PKP4: variants seen among roughly 807,000 people sequenced by gnomAD.
The protein encoded by PKP4 is plakophilin-4.
Under a neutral mutation model 145.1 loss-of-function variants are expected in PKP4, and 90 were observed. The observed-to-expected ratio is 0.62, with a 90% CI of 0.52 to 0.74. The LOEUF (loss-of-function observed/expected upper bound fraction) is 0.74, where lower values mean the gene tolerates loss of function less well. PKP4 is among the 30% of genes least tolerant of loss of function. PKP4 has a pLI of 0.00. For synonymous variants in PKP4, 563 were observed against 577.2 expected (o/e 0.98, Z 0.35); for missense variants, 1,340 against 1,482.7 (o/e 0.90, Z 1.58).
intron 1 of PKP4, among the ~76,000 whole-genome samples, chr2:158,471,859 A>G (rs1281429081): frequency 6.6e-6 from 1 of 152,232 alleles, no homozygotes; most frequent in Non-Finnish European, 1.5e-5. Context: ...TTGAAAAATT[A>G]AACATGCCTA....
chr2:158,602,588 T>C lies in PKP4; in HGVS notation c.246-482T>C, dbSNP rs190340363. Among the ~76,000 whole-genome samples, 3 of 152,356 alleles carry C rather than the reference T, an allele frequency of 2.0e-5. No homozygotes were observed. The East Asian group carries it at 5.8e-4, about 29-fold the overall frequency. On this transcript the variant is annotated intron_variant, in intron 3 of 21. Coordinates refer to ENST00000389759, the MANE Select transcript of PKP4 (RefSeq NM_003628.6). ...TTATCCTGGCTTATAGGACCTTATA[T>C]TTTTGATATGAAGTTCTGCGTTTTA...
rs533644175 is a variant in PKP4, at chr2:158,538,636, T to C, written c.132+5320T>C. On this transcript the variant is annotated intron_variant, in intron 2 of 21. Transcript: ENST00000389759. The stretch of plus-strand genomic sequence containing the variant: ...CTCACTGCAACCTCCGCCTTCTGGG[T>C]TCAAGCAACTCTTCTGCCTCAGCCT... Among the ~76,000 whole-genome samples, 10 of 150,240 alleles carry C rather than the reference T, an allele frequency of 6.7e-5. No individual in the cohort carries two copies. In the East Asian group the frequency reaches 1.8e-3, roughly 27 times the overall value.
intron 11 of PKP4, 121 bp from the exon 12 acceptor site, chr2:158,658,010 T>G: frequency 1.5e-6 from 1 of 652,788 alleles, no homozygotes; most frequent in South Asian, 1.9e-5. Flanking sequence ...TGGTTGCAAA[T>G]ATAGGCCATA....
chr2:158,642,556 A>G lies in PKP4; in HGVS notation c.1766A>G (p.Asn589Ser). The G allele has an allele frequency of 6.2e-7, 1 of 1,613,890 alleles. No homozygotes were observed. The highest frequency in any genetic ancestry group is 1.3e-5 in the African/African-American group (1 of 75,050). The change falls in exon 11 of 22, where the codon AAT (asparagine) becomes AGT (serine). Residue 589 changes from asparagine to serine, a missense_variant. Coordinates refer to ENST00000389759, the MANE Select transcript of PKP4 (RefSeq NM_003628.6). ...LDHRVLEVQK[N>S]ACGALRNLVF... ...CACAGAGTTTTGGAAGTTCAGAAGAATGCTTGTGGTGCCCTTCGAAACCTC... is the reference window on the plus strand; with the variant it reads ...CACAGAGTTTTGGAAGTTCAGAAGAGTGCTTGTGGTGCCCTTCGAAACCTC...
chr2:158,617,160 T>C (rs1179191215), intron 4 of PKP4, among the ~76,000 whole-genome samples: 2 of 152,192 alleles, frequency 1.3e-5, no homozygotes, highest in African/African-American at 2.4e-5. Context: ...AGAAAGTCCA[T>C]GATTCCAATA....
rs1175380290 is a variant in PKP4, at chr2:158,548,738, C to G, written c.132+15422C>G. ...GCTTAAGCTGGCCCATAAGTACTGA[C>G]CAGAGACAAAGCAAGAGAAGAAGCA... On this transcript the variant is annotated intron_variant, in intron 2 of 21. Coordinates refer to ENST00000389759, the MANE Select transcript of PKP4 (RefSeq NM_003628.6). 1.0e-5 allele frequency: 3 copies of G among 298,034 alleles called. No homozygotes were observed. In the Admixed American group the frequency reaches 1.4e-4, roughly 14 times the overall value. The allele number at this position is 298,034 out of a possible 1,614,324, so 18.5% of individuals were successfully genotyped here.
rs182839504 is a variant in PKP4, at chr2:158,679,151, G to A, written c.3330+497G>A. 189 of 161,942 alleles carry A rather than the reference G, an allele frequency of 1.2e-3. 2 individuals are homozygous for A. The highest frequency in any genetic ancestry group is 2.7e-4 in the Non-Finnish European group (20 of 73,092). 10.0% of individuals were successfully genotyped at this position (161,942 alleles called of 1,614,324 possible). The stretch of plus-strand genomic sequence containing the variant: ...GGTCAAGGTGGACTCAGCCCCTGCC[G>A]GGATGGACCTCACTGTGGGAGAGTG... On this transcript the variant is annotated intron_variant, in intron 21 of 21. Coordinates refer to ENST00000389759, the MANE Select transcript of PKP4 (RefSeq NM_003628.6).
intron 1 of PKP4, among the ~76,000 whole-genome samples, chr2:158,495,429 G>C (rs1319402236): frequency 6.6e-6 from 1 of 151,366 alleles, no homozygotes; most frequent in Non-Finnish European, 1.5e-5. Context: ...GAAATAATCA[G>C]ACAAGTGGAC....
intron 4 of PKP4, among the ~76,000 whole-genome samples, chr2:158,619,128 A>G (rs541575640): frequency 9.8e-5 from 15 of 152,324 alleles, no homozygotes; most frequent in Admixed American, 9.2e-4. Flanking sequence ...ATTCCCAGCT[A>G]TTCCAATTCC....
intron 1 of PKP4, among the ~76,000 whole-genome samples, chr2:158,510,801 A>G (rs2041433616): frequency 1.3e-5 from 2 of 152,346 alleles, no homozygotes; most frequent in Admixed American, 1.3e-4. Context: ...GTTGAAAGGG[A>G]ACTGCTTTCA....
chr2:158,612,445 A>G (rs1161611841), intron 4 of PKP4, among the ~76,000 whole-genome samples: 1 of 152,204 alleles, frequency 6.6e-6, no homozygotes, highest in East Asian at 1.9e-4. Flanking sequence ...TTGACAGACA[A>G]TGAGAAGATT....
At chr2:158,481,964 T>C (rs1693423871) in intron 1 of PKP4, among the ~76,000 whole-genome samples, 1 of 152,230 alleles carries the variant, frequency 6.6e-6, no homozygotes, top group Admixed American at 6.5e-5. Flanking sequence ...TGTTGTAATG[T>C]TAGTGATATT....
chr2:158,536,749 C>T (rs768517298), intron 2 of PKP4, among the ~76,000 whole-genome samples: 1 of 152,122 alleles, frequency 6.6e-6, no homozygotes, highest in Non-Finnish European at 1.5e-5. Context: ...CATGTGGATG[C>T]GTACCTGCGA....
intron 1 of PKP4, among the ~76,000 whole-genome samples, chr2:158,487,211 A>G (rs548822745): frequency 2.0e-5 from 3 of 152,378 alleles, no homozygotes; most frequent in Admixed American, 2.0e-4. Context: ...TGCAAGTGAC[A>G]TAGTAGAGCC....
At chr2:158,535,367 A>G (rs904024572) in intron 2 of PKP4, among the ~76,000 whole-genome samples, 11 of 152,208 alleles carry the variant, frequency 7.2e-5, no homozygotes, top group African/African-American at 1.9e-4. Flanking sequence ...AATGTTGGTC[A>G]TGTTTTATAT....
rs142457146 is a variant in PKP4, at chr2:158,519,784, A to G, written c.-5-13396A>G. On this transcript the variant is annotated intron_variant, in intron 1 of 21. Coordinates refer to ENST00000389759, the MANE Select transcript of PKP4 (RefSeq NM_003628.6). ...TTCATGGAGTTGTGAGTTGGAGAAA[A>G]GTTGAAATTTATGCTCATCTTGCCT... Among the ~76,000 whole-genome samples, 900 of 152,272 alleles carry G rather than the reference A, an allele frequency of 5.9e-3. 7 individuals are homozygous for G. Among genetic ancestry groups the G allele is most frequent in the African/African-American group, 0.021 (862 of 41,564 alleles).
chr2:158,550,855 A>G (rs2045558679), intron 2 of PKP4, among the ~76,000 whole-genome samples: 1 of 152,240 alleles, frequency 6.6e-6, no homozygotes, highest in Non-Finnish European at 1.5e-5. Context: ...AAGCTTATAA[A>G]TGTCTGGGAA....
chr2:158,622,052 G>T (rs924180952), intron 6 of PKP4, among the ~76,000 whole-genome samples: 4 of 152,054 alleles, frequency 2.6e-5, no homozygotes, highest in African/African-American at 9.7e-5. Flanking sequence ...TCCCTGAGGG[G>T]TTATGAGTTC....
intron 2 of PKP4, among the ~76,000 whole-genome samples, chr2:158,562,082 A>G (rs2046579907): frequency 1.3e-5 from 2 of 152,108 alleles, no homozygotes; most frequent in African/African-American, 4.8e-5. Flanking sequence ...GAATTTTGTG[A>G]AAGTTAGTAG....
Sources: allele counts gnomAD v4.1 joint callset (sites outside exome capture counted in the v4.1 genomes callset), GRCh38; gene constraint gnomAD v4.1.1; transcripts MANE v1.5; gene names NCBI Gene and HGNC (gene_info 2026-07-23, HGNC 2026-07-21).